The following FMO2 variants were observed in gnomAD, a reference collection of about 807,000 sequenced individuals.
The protein encoded by FMO2 is flavin containing dimethylaniline monoxygenase 2, also known as flavin-containing monooxygenase 2.
A neutral mutation model predicts 41.6 loss-of-function variants in FMO2; 33 were observed. That is an observed-to-expected ratio of 0.79 (90% CI 0.60 to 1.06). The LOEUF is 1.06. Ranked by LOEUF, FMO2 falls within the 50% of genes least tolerant of loss-of-function variation. The pLI, the probability that FMO2 is intolerant of heterozygous loss-of-function variation, is 0.00. For missense variants in FMO2, 619 were observed against 632.9 expected (o/e 0.98, Z 0.23); for synonymous variants, 214 against 219.6 (o/e 0.97, Z 0.23).
intron 2 of FMO2, among the ~76,000 whole-genome samples, chr1:171,189,154 T>C (rs558728044): frequency 2.0e-4 from 30 of 152,196 alleles, no homozygotes; most frequent in Non-Finnish European, 3.1e-4. Context: ...GCCGCTAACC[T>C]TCTCTGTTTC....
At chr1:171,193,247 A>G (rs1218594325) in intron 2 of FMO2, 88 bp from the exon 3 acceptor site, 4 of 788,106 alleles carry the variant, frequency 5.1e-6, no homozygotes, top group African/African-American at 1.8e-5. Flanking sequence ...AGACAATCGC[A>G]TTACCCAGGG....
intron 5 of FMO2, among the ~76,000 whole-genome samples, chr1:171,200,492 C>T (rs1432968244): frequency 6.6e-6 from 1 of 152,196 alleles, no homozygotes; most frequent in Admixed American, 6.5e-5. Context: ...CCAGGGCTTA[C>T]CATGGCCCTG....
At chr1:171,185,559 C>A in intron 1 of FMO2, 149 bp from the exon 2 acceptor site, 1 of 709,688 alleles carries the variant, frequency 1.4e-6, no homozygotes, top group Non-Finnish European at 2.3e-6. Context: ...AAGAAGAGAG[C>A]AGGATTTTTG....
At position 171,199,389 on chromosome 1, in the gene FMO2, C is replaced by T. The variant is rs937519764; in HGVS notation, c.528C>T (p.Tyr176=). Reference sequence around the variant, plus strand: ...GCCAATATTTCCATAGCCGCCAATACAAGCATCCAGATGGATTTGAGGGAA... The same window carrying T: ...GCCAATATTTCCATAGCCGCCAATATAAGCATCCAGATGGATTTGAGGGAA... ...FKGQYFHSRQ[Y]KHPDGFEGKR... is the part of the protein sequence containing the mutation. The change falls in exon 5 of 9, where the codon TAC becomes TAT. Residue 176 remains tyrosine, a synonymous_variant. Coordinates refer to ENST00000209929, the MANE Select transcript of FMO2 (RefSeq NM_001460.5). 1 of 1,611,466 alleles carries T rather than the reference C, an allele frequency of 6.2e-7. No individual in the cohort carries two copies. The highest frequency in any genetic ancestry group is 8.5e-7 in the Non-Finnish European group (1 of 1,178,932).
At chr1:171,194,029 C>T (rs947480877) in intron 3 of FMO2, among the ~76,000 whole-genome samples, 1 of 152,210 alleles carries the variant, frequency 6.6e-6, no homozygotes, top group African/African-American at 2.4e-5. Context: ...ATCCACCCGC[C>T]TCGGCCCCCC....
At chr1:171,191,619 C>T (rs1243736907) in intron 2 of FMO2, among the ~76,000 whole-genome samples, 7 of 152,116 alleles carry the variant, frequency 4.6e-5, no homozygotes, top group African/African-American at 1.4e-4. Flanking sequence ...GGAAACTGAC[C>T]TATGTAACTT....
Position 171,211,202 on chromosome 1 carries a change from G to A in FMO2, c.*2057G>A, listed in dbSNP as rs570542730. 6.6e-6 allele frequency: 1 copy of A among 152,132 alleles called. No homozygotes were observed. Among genetic ancestry groups the A allele is most frequent in the Non-Finnish European group, 1.5e-5 (1 of 68,024 alleles). The allele number at this position is 152,132 out of a possible 1,614,324, so 9.4% of individuals were successfully genotyped here. A position where few individuals can be genotyped will look rare whatever the true frequency, so the allele number is the denominator to read the frequency against. ...GTGGGCCAAATCTAGCTCACTATCT[G>A]TTTTTGTAAATAAAATTTTATAATA... On this transcript the variant is annotated 3_prime_UTR_variant, in exon 9 of 9. Coordinates refer to ENST00000209929, the MANE Select transcript of FMO2 (RefSeq NM_001460.5).
At chr1:171,193,936 T>G (rs1658199904) in intron 3 of FMO2, among the ~76,000 whole-genome samples, 1 of 152,042 alleles carries the variant, frequency 6.6e-6, no homozygotes, top group Admixed American at 6.6e-5. Flanking sequence ...CACATCACCA[T>G]GCCTGGTTCA....
chr1:171,195,372 G>A (rs1235888454), intron 3 of FMO2, among the ~76,000 whole-genome samples: 3 of 152,104 alleles, frequency 2.0e-5, no homozygotes, highest in African/African-American at 7.2e-5. Flanking sequence ...ATAGGTATGG[G>A]GTAAGTTCTG....
In FMO2 at chr1:171,205,620, C is replaced by A. The variant is rs752948394; in HGVS notation, c.1169C>A (p.Thr390Lys). ...PTAELQARWV[T>K]RVFKGLCSLP... ...GCTGAACTTCAAGCTCGTTGGGTGA[C>A]AAGAGTTTTCAAAGGTAAGTGTGTA... The change falls in exon 7 of 9, where the codon ACA (threonine) becomes AAA (lysine). Residue 390 changes from threonine (T) to lysine (K), a missense_variant. Physicochemically the swap from Thr to Lys is moderately conservative, Grantham distance 78 (BLOSUM62 -1). Transcript: ENST00000209929. The A allele has an allele frequency of 6.2e-7, 1 of 1,605,204 alleles. No homozygotes were observed. Among genetic ancestry groups the A allele is most frequent in the Non-Finnish European group, 8.5e-7 (1 of 1,175,758 alleles).
chr1:171,200,298 G>A (rs1158171953), intron 5 of FMO2, among the ~76,000 whole-genome samples: 2 of 152,104 alleles, frequency 1.3e-5, no homozygotes, highest in Non-Finnish European at 2.9e-5. Flanking sequence ...TTCATTACAC[G>A]ATGATGCTGC....
chr1:171,210,963 G>T lies in FMO2; in HGVS notation c.*1818G>T, dbSNP rs945170287. 2.0e-5 allele frequency: 3 copies of T among 151,762 alleles called. No homozygotes were observed. The highest frequency in any genetic ancestry group is 7.3e-5 in the African/African-American group (3 of 41,206). The allele number at this position is 151,762 out of a possible 1,614,324, so 9.4% of individuals were successfully genotyped here. A position where few individuals can be genotyped will look rare whatever the true frequency, so the allele number is the denominator to read the frequency against. On this transcript the variant is annotated 3_prime_UTR_variant, in exon 9 of 9. Transcript: ENST00000209929. ...AACTTTTTCTTTAAAATTCAATTAAGTTACACCAGAATTTACAGGCAAGAT... is the reference window on the plus strand; with the variant it reads ...AACTTTTTCTTTAAAATTCAATTAATTTACACCAGAATTTACAGGCAAGAT...
chr1:171,192,277 A>C (rs1162680384), intron 2 of FMO2, among the ~76,000 whole-genome samples: 1 of 152,126 alleles, frequency 6.6e-6, no homozygotes, highest in Non-Finnish European at 1.5e-5. Context: ...TCAGATTATT[A>C]TATCCTTGTA....
In FMO2 at chr1:171,192,222, T is replaced by C. The variant is rs28369840; in HGVS notation, c.133-1113T>C. 8.3e-3 allele frequency among the ~76,000 whole-genome samples: 1,265 copies of C among 152,258 alleles called. 18 individuals carry two copies. Among genetic ancestry groups the C allele is most frequent in the African/African-American group, 0.029 (1,210 of 41,538 alleles). On this transcript the variant is annotated intron_variant, in intron 2 of 8. Coordinates refer to ENST00000209929, the MANE Select transcript of FMO2 (RefSeq NM_001460.5). Reference sequence around the variant, plus strand: ...TCAGTATTATGCAATTTGAAGCCACTGTTTGAAAATAAAAACACTGTACCG... The same window carrying C: ...TCAGTATTATGCAATTTGAAGCCACCGTTTGAAAATAAAAACACTGTACCG...
chr1:171,205,465 TG>T lies in FMO2; in HGVS notation c.1015del (p.Glu339LysfsTer7). 4 of 1,613,872 alleles carry T rather than the reference TG, an allele frequency of 2.5e-6. No homozygotes were observed. Among genetic ancestry groups the T allele is most frequent in the Middle Eastern group, 1.7e-4 (1 of 6,060 alleles). On this transcript the variant is annotated frameshift_variant, in exon 7 of 9. Coordinates refer to ENST00000209929, the MANE Select transcript of FMO2 (RefSeq NM_001460.5). LOFTEE classifies it high-confidence loss of function. ...TGYSFSFPFL[E>X]DSLVKVENNM... ...GATATAGTTTCTCTTTTCCCTTCCT[TG>T]AAGATTCACTCGTTAAAGTAGAGAA...
At chr1:171,203,822 G>A (rs1227758395) in intron 5 of FMO2, 43 bp from the exon 6 acceptor site, 1 of 1,550,078 alleles carries the variant, frequency 6.5e-7, no homozygotes, top group Non-Finnish European at 8.9e-7. Flanking sequence ...CTCCTAAACG[G>A]GACAATGCCC....
chr1:171,200,023 C>A (rs180882805), intron 5 of FMO2, among the ~76,000 whole-genome samples: 2 of 152,114 alleles, frequency 1.3e-5, no homozygotes, highest in African/African-American at 4.8e-5. Flanking sequence ...AGCCAAGAGG[C>A]CTTGTTTCTA....
chr1:171,202,515 A>C (rs1658576315), intron 5 of FMO2, among the ~76,000 whole-genome samples: 1 of 152,204 alleles, frequency 6.6e-6, no homozygotes, highest in African/African-American at 2.4e-5. Flanking sequence ...GCCTAACTTT[A>C]TAACTTAACA....
intron 7 of FMO2, among the ~76,000 whole-genome samples, chr1:171,207,272 C>T (rs998793481): frequency 1.3e-5 from 2 of 152,170 alleles, no homozygotes; most frequent in African/African-American, 4.8e-5. Context: ...TTTCAACAGC[C>T]TCTTTACTGG....
Sources: allele counts gnomAD v4.1 joint callset (sites outside exome capture counted in the v4.1 genomes callset), GRCh38; gene constraint gnomAD v4.1.1; transcripts MANE v1.5; gene names NCBI Gene and HGNC (gene_info 2026-07-23, HGNC 2026-07-21).